TASOR: variants seen among roughly 807,000 people sequenced by gnomAD.
The protein encoded by TASOR is protein TASOR.
Under a neutral mutation model 178.6 loss-of-function variants are expected in TASOR, and 53 were observed. The ratio of observed to expected loss-of-function variants is 0.30; its 90% CI spans 0.24 to 0.37. The LOEUF is 0.37. TASOR is among the 10% of genes least tolerant of loss of function. The pLI, the probability that TASOR is intolerant of heterozygous loss-of-function variation, is 1.00. For missense variants in TASOR, 1,815 were observed against 1,971.4 expected, an observed-to-expected ratio of 0.92 and a Z score of 1.50; for synonymous variants, 713 against 696.2, an observed-to-expected ratio of 1.02 and a Z score of -0.38.
rs751656054 is a variant in TASOR, at chr3:56,621,626, A to C, written c.*1411T>G. 3.2e-6 allele frequency: 5 copies of C among 1,576,726 alleles called. No individual in the cohort carries two copies. The South Asian group carries it at 5.7e-5, about 18-fold the overall frequency. ...TTTGGTTCTTCATTTTAAATGTAGA[A>C]AATCAAATCCTTCACATTTGATTTG... On this transcript the variant is annotated 3_prime_UTR_variant, in exon 24 of 24. Coordinates refer to ENST00000683822, the MANE Select transcript of TASOR (RefSeq NM_001365635.2).
Position 56,663,567 on chromosome 3 carries a change from T to C in TASOR, c.1028A>G (p.Asn343Ser). 8 of 1,225,536 alleles carry C rather than the reference T, an allele frequency of 6.5e-6. No individual in the cohort carries two copies. Among genetic ancestry groups the C allele is most frequent in the Non-Finnish European group, 8.7e-6 (8 of 924,200 alleles). The allele number at this position is 1,225,536 out of a possible 1,614,324, so 75.9% of individuals were successfully genotyped here. ...TATGTTTCTATCTGTATTAAAGCTG[T>C]TAGATCTACAAATTTTTTAAAAGAA... ...TPKFVPSSRS[N>S]SFNTDRNIDK... Residue 343 changes from asparagine (N) to serine (S), a missense_variant, in exon 8 of 24, where the codon AAC becomes AGC. Asn to Ser is a conservative substitution (Grantham distance 46, BLOSUM62 1). Coordinates refer to ENST00000683822, the MANE Select transcript of TASOR (RefSeq NM_001365635.2).
chr3:56,645,762 A>T (rs990025140), intron 14 of TASOR, among the ~76,000 whole-genome samples: 1 of 152,360 alleles, frequency 6.6e-6, no homozygotes, highest in African/African-American at 2.4e-5. Context: ...ATGTGTATGC[A>T]TATTTTATTT....
intron 1 of TASOR, among the ~76,000 whole-genome samples, chr3:56,674,345 TAA>T (rs71294724): frequency 2.2e-5 from 3 of 135,332 alleles, no homozygotes; most frequent in African/African-American, 5.4e-5. Flanking sequence ...TACAAACCAT[TAA>T]AAAAAAAAAA....
At chr3:56,631,584 G>GTTTTTTTTTT (rs932459148) in intron 18 of TASOR, among the ~76,000 whole-genome samples, 1 of 113,430 alleles carries the variant, frequency 8.8e-6, no homozygotes, top group East Asian at 3.0e-4. Flanking sequence ...GTGTTTTTTT[G>GTTTTTTTTTT]TTTTTTTTTT....
chr3:56,630,060 G>C (rs1432804462), intron 18 of TASOR, among the ~76,000 whole-genome samples: 1 of 151,724 alleles, frequency 6.6e-6, no homozygotes, highest in South Asian at 2.1e-4. Flanking sequence ...CTGCCTCCTG[G>C]GTTCACACCA....
chr3:56,632,688 T>C (rs899349625), intron 18 of TASOR, among the ~76,000 whole-genome samples: 7 of 152,130 alleles, frequency 4.6e-5, no homozygotes, highest in African/African-American at 1.7e-4. Context: ...TCTGACTCTA[T>C]TACCTAGGCT....
intron 11 of TASOR, among the ~76,000 whole-genome samples, chr3:56,660,230 G>A (rs1310185569): frequency 4.0e-5 from 6 of 151,616 alleles, no homozygotes; most frequent in African/African-American, 9.7e-5. Context: ...GGTGGCTCAC[G>A]CCTCTAATTC....
chr3:56,650,239 C>G (rs973342931), intron 11 of TASOR, among the ~76,000 whole-genome samples: 1 of 152,166 alleles, frequency 6.6e-6, no homozygotes, highest in Admixed American at 6.5e-5. Context: ...TAAACAACGC[C>G]TGTATAAAAA....
At chr3:56,676,829 G>T (rs1284311023) in intron 1 of TASOR, among the ~76,000 whole-genome samples, 1 of 152,082 alleles carries the variant, frequency 6.6e-6, no homozygotes, top group African/African-American at 2.4e-5. Flanking sequence ...TGACTCTAAA[G>T]CAATGTCCAA....
In TASOR at chr3:56,646,835, T is replaced by A. The variant is rs1041960614; in HGVS notation, c.1902A>T (p.Pro634=). ...EENRKLQQFS[P]LSDYEGQEEE... ...CTTCTTGACCTTCATAATCTGAAAG[T>A]GGACTAAACTGCTGAAGTTTTCTAT... Residue 634 remains proline, a synonymous_variant, in exon 14 of 24, where the codon CCA becomes CCT. Coordinates refer to ENST00000683822, the MANE Select transcript of TASOR (RefSeq NM_001365635.2). 2 of 1,607,994 alleles carry A rather than the reference T, an allele frequency of 1.2e-6. No individual in the cohort carries two copies. Among genetic ancestry groups the A allele is most frequent in the Non-Finnish European group, 1.7e-6 (2 of 1,178,636 alleles).
At chr3:56,645,652 GTCTA>G (rs1466253600) in intron 14 of TASOR, among the ~76,000 whole-genome samples, 1 of 152,150 alleles carries the variant, frequency 6.6e-6, no homozygotes, top group Non-Finnish European at 1.5e-5. Context: ...CGCCTTACAT[GTCTA>G]TCTTTTTCTG....
rs905246255 is a variant in TASOR at position 56,674,102 on chromosome 3, T to G, written c.332-377A>C. The stretch of plus-strand genomic sequence containing the variant: ...TGAAGTATGTCTCAGACTGTGTATT[T>G]CAGCAAACTACCTATACCATGTATG... On this transcript the variant is annotated intron_variant, in intron 1 of 23. Coordinates refer to ENST00000683822, the MANE Select transcript of TASOR (RefSeq NM_001365635.2). Among the ~76,000 whole-genome samples, 7 of 151,792 alleles carry G rather than the reference T, an allele frequency of 4.6e-5. 1 individual carries two copies. The highest frequency in any genetic ancestry group is 1.3e-4 in the Admixed American group (2 of 15,218).
At chr3:56,668,670 T>C in intron 5 of TASOR, 112 bp from the exon 6 acceptor site, 1 of 830,096 alleles carries the variant, frequency 1.2e-6, no homozygotes, top group Non-Finnish European at 1.8e-6. Flanking sequence ...AACCATTTTT[T>C]CCCTTTAATA....
intron 1 of TASOR, among the ~76,000 whole-genome samples, chr3:56,679,888 A>G (rs9311611): frequency 3.5e-4 from 54 of 152,354 alleles, no homozygotes; most frequent in African/African-American, 1.3e-3. Context: ...CAGCCAATAA[A>G]TAACATACAT....
chr3:56,668,036 T>C (rs537257604), intron 6 of TASOR, among the ~76,000 whole-genome samples: 1 of 152,242 alleles, frequency 6.6e-6, no homozygotes, highest in East Asian at 1.9e-4. Flanking sequence ...GAAAGATGAG[T>C]AGTATCTTAT....
chr3:56,683,030 G>A lies in TASOR; in HGVS notation c.-24C>T, dbSNP rs1362830830. The stretch of plus-strand genomic sequence containing the variant: ...ATCGCGCCGGCCTAAGGAGCTCTGG[G>A]AAGCTTCTGCCCACAAGGTCGACGG... On this transcript the variant is annotated 5_prime_UTR_variant, in exon 1 of 24. Coordinates refer to ENST00000683822, the MANE Select transcript of TASOR (RefSeq NM_001365635.2). The A allele has an allele frequency of 6.6e-7, 1 of 1,505,864 alleles. No homozygotes were observed. The highest frequency in any genetic ancestry group is 2.2e-5 in the Admixed American group (1 of 44,510). The allele number at this position is 1,505,864 out of a possible 1,614,324, so 93.3% of individuals were successfully genotyped here.
At chr3:56,636,974 C>G (rs2077030094) in intron 17 of TASOR, among the ~76,000 whole-genome samples, 1 of 151,948 alleles carries the variant, frequency 6.6e-6, no homozygotes, top group Non-Finnish European at 1.5e-5. Flanking sequence ...GAGATTGAGA[C>G]CATCCTGGCC....
intron 11 of TASOR, among the ~76,000 whole-genome samples, chr3:56,649,959 G>C (rs2077315939): frequency 6.6e-6 from 1 of 152,190 alleles, no homozygotes; most frequent in Non-Finnish European, 1.5e-5. Context: ...GCTGTAAAAA[G>C]ACCAGAAGCC....
intron 17 of TASOR, 24 bp from the exon 18 acceptor site, chr3:56,633,990 A>G (rs1027627849): frequency 5.4e-6 from 8 of 1,479,358 alleles, no homozygotes; most frequent in African/African-American, 2.8e-5. Context: ...GTTCATTATT[A>G]TAAGAGCAAT....
Sources: gnomAD v4.1 joint callset for allele counts (sites outside exome capture counted in the v4.1 genomes callset) on GRCh38, gnomAD v4.1.1 for gene constraint, MANE v1.5 for transcripts, NCBI Gene and HGNC (gene_info 2026-07-23, HGNC 2026-07-21) for gene names.